The following RPTOR variants were observed in gnomAD, a reference collection of about 807,000 sequenced individuals.
RPTOR encodes the protein regulatory-associated protein of mTOR.
Under a neutral mutation model 169.9 loss-of-function variants are expected in RPTOR, and 21 were observed. That is an observed-to-expected ratio of 0.12 (90% CI 0.09 to 0.18). The LOEUF (loss-of-function observed/expected upper bound fraction) is 0.18. RPTOR is among the 10% of genes least tolerant of loss of function. RPTOR has a pLI of 1.00. For missense variants in RPTOR, 1,133 were observed against 1,855.9 expected, an observed-to-expected ratio of 0.61 and a Z score of 7.16; for synonymous variants, 732 against 753.2, an observed-to-expected ratio of 0.97 and a Z score of 0.46.
chr17:80,839,498 G>A (rs1431619494), intron 10 of RPTOR, among the ~76,000 whole-genome samples: 4 of 152,182 alleles, frequency 2.6e-5, no homozygotes, highest in East Asian at 1.9e-4. Context: ...CCAGCTCCCC[G>A]TCATGTGCTT....
chr17:80,876,659 C>A (rs1395817793), intron 13 of RPTOR, among the ~76,000 whole-genome samples: 1 of 128,130 alleles, frequency 7.8e-6, no homozygotes, highest in East Asian at 2.4e-4. Context: ...CCGTGCCACG[C>A]AGGGTGTGTG....
rs753714294 is a variant in RPTOR at position 80,949,534 on chromosome 17, G to C, written c.3357G>C (p.Leu1119=). 6.2e-7 allele frequency: 1 copy of C among 1,613,828 alleles called. No homozygotes were observed. The highest frequency in any genetic ancestry group is 8.5e-7 in the Non-Finnish European group (1 of 1,179,944). The change falls in exon 28 of 34, where the codon CTG becomes CTC. Residue 1119 remains leucine, a synonymous_variant. Transcript: ENST00000306801. ...VTAWQGLSDM[L]PTTRGAGMVV... ...CGTGGCAGGGGCTCTCGGACATGCT[G>C]CCAACGACGCGAGGTGGGTCCGCCC...
At position 80,730,397 on chromosome 17, in the gene RPTOR, G is replaced by A. The variant is rs895921031; in HGVS notation, c.508-163G>A. ...CTGAGATTCAGGTGTGAGCCATTGC[G>A]CCTGGCCAGTTTGCTGTTTTTTATA... On this transcript the variant is annotated intron_variant, in intron 4 of 33. Coordinates refer to ENST00000306801, the MANE Select transcript of RPTOR (RefSeq NM_020761.3). This position sits in a 1 kb window ranked among gnomAD's most constrained non-coding sequence, Gnocchi z 4.2. 6.6e-6 allele frequency among the ~76,000 whole-genome samples: 1 copy of A among 152,106 alleles called. No homozygotes were observed. Among genetic ancestry groups the A allele is most frequent in the Admixed American group, 6.5e-5 (1 of 15,278 alleles).
intron 21 of RPTOR, among the ~76,000 whole-genome samples, chr17:80,918,286 C>G (rs2068698256): frequency 6.6e-6 from 1 of 152,218 alleles, no homozygotes; most frequent in African/African-American, 2.4e-5. Flanking sequence ...GATCGCCCAT[C>G]CAGACAGAGA....
At chr17:80,732,434 A>G (rs925411338) in intron 5 of RPTOR, among the ~76,000 whole-genome samples, 2 of 152,202 alleles carry the variant, frequency 1.3e-5, no homozygotes, top group African/African-American at 4.8e-5. Flanking sequence ...GTGTGTTGCC[A>G]GGGATTAATC....
At chr17:80,864,837 C>A (rs1412202073) in intron 13 of RPTOR, among the ~76,000 whole-genome samples, 1 of 152,066 alleles carries the variant, frequency 6.6e-6, no homozygotes, top group Non-Finnish European at 1.5e-5. Flanking sequence ...AAGCCTTTTG[C>A]ACTCTTAATT....
chr17:80,591,372 C>T (rs1447152795), intron 1 of RPTOR, among the ~76,000 whole-genome samples: 1 of 145,786 alleles, frequency 6.9e-6, no homozygotes, highest in African/African-American at 2.6e-5. Context: ...TTCTTTCCTT[C>T]CTTTCTTTTT....
intron 7 of RPTOR, among the ~76,000 whole-genome samples, chr17:80,807,125 T>C (rs1690652625): frequency 6.6e-6 from 1 of 152,260 alleles, no homozygotes; most frequent in Non-Finnish European, 1.5e-5. Flanking sequence ...GCAGAATGCA[T>C]CTTTTTTATC....
At chr17:80,787,227 A>G (rs1226016570) in intron 6 of RPTOR, among the ~76,000 whole-genome samples, 1 of 152,146 alleles carries the variant, frequency 6.6e-6, no homozygotes, top group Non-Finnish European at 1.5e-5. Flanking sequence ...TGTGATTTTG[A>G]GGACTCTTTT....
Position 80,545,519 on chromosome 17 carries a change from C to A in RPTOR, c.-111C>A, listed in dbSNP as rs1257415070. On this transcript the variant is annotated 5_prime_UTR_variant, in exon 1 of 34. Transcript: ENST00000306801. ...CCGCACTCTTTATCCATTTGGTTTT[C>A]GATTTCCCGTTTTTGTTTCTTATTT... 2.4e-6 allele frequency: 2 copies of A among 849,440 alleles called. No homozygotes were observed. The highest frequency in any genetic ancestry group is 3.7e-6 in the Non-Finnish European group (2 of 538,650). The allele number at this position is 849,440 out of a possible 1,614,324, so 52.6% of individuals were successfully genotyped here.
chr17:80,949,437 C>T lies in RPTOR; in HGVS notation c.3266-6C>T. ...GGTTCACATCCTTTCCTCTCTCCCT[C>T]CCCAGACGATGGTGCCATCAGGGTC... On this transcript the variant is annotated splice_region_variant and splice_polypyrimidine_tract_variant and intron_variant, in intron 27 of 33. Coordinates refer to ENST00000306801, the MANE Select transcript of RPTOR (RefSeq NM_020761.3). 2.5e-6 allele frequency: 4 copies of T among 1,611,644 alleles called. No individual in the cohort carries two copies. In the African/African-American group the frequency reaches 4.0e-5, roughly 16 times the overall value.
In RPTOR at chr17:80,670,446, C is replaced by T. The variant is rs1242090939; in HGVS notation, c.348+26636C>T. On this transcript the variant is annotated intron_variant, in intron 3 of 33. Transcript: ENST00000306801. ...TTTTAAGCCTTTTAACCATCCGGAG[C>T]GTTGCTGTCAGCACTCGATTTTGAC... 4.6e-5 allele frequency among the ~76,000 whole-genome samples: 7 copies of T among 152,174 alleles called. No individual in the cohort carries two copies. The South Asian group carries it at 6.2e-4, about 13-fold the overall frequency.
intron 20 of RPTOR, among the ~76,000 whole-genome samples, chr17:80,902,957 C>A (rs539404784): frequency 6.6e-6 from 1 of 152,248 alleles, no homozygotes; most frequent in Non-Finnish European, 1.5e-5. Flanking sequence ...AGGCTCTTCC[C>A]GCAGAAACAG....
intron 7 of RPTOR, among the ~76,000 whole-genome samples, chr17:80,815,027 A>T (rs969110569): frequency 6.6e-6 from 1 of 152,252 alleles, no homozygotes; most frequent in Non-Finnish European, 1.5e-5. Flanking sequence ...CAAGTCTGAC[A>T]TGGCTGGAAA....
At chr17:80,692,543 A>C (rs550571661) in intron 3 of RPTOR, among the ~76,000 whole-genome samples, 243 of 151,648 alleles carry the variant, frequency 1.6e-3, no homozygotes, top group African/African-American at 5.6e-3. Context: ...CTGGTCTTGA[A>C]CTCCTGACCT....
At chr17:80,774,443 A>G in intron 6 of RPTOR, 1 of 753,380 alleles carries the variant, frequency 1.3e-6, no homozygotes, top group Non-Finnish European at 1.6e-6. Context: ...CGTAGTGCAT[A>G]AAACATCACT....
chr17:80,829,579 C>T (rs1201730904), intron 9 of RPTOR, among the ~76,000 whole-genome samples: 2 of 152,222 alleles, frequency 1.3e-5, no homozygotes, highest in African/African-American at 4.8e-5. Context: ...GCCATGAACC[C>T]CTAGGGACAG....
intron 1 of RPTOR, among the ~76,000 whole-genome samples, chr17:80,557,224 C>T (rs982131445): frequency 3.9e-5 from 6 of 152,190 alleles, no homozygotes; most frequent in Non-Finnish European, 5.9e-5. Flanking sequence ...AGGAGGTGTC[C>T]TCCAGTTTCT....
rs1452445269 is a variant in RPTOR, at chr17:80,707,905, G to A, written c.413G>A (p.Arg138His). 6.2e-7 allele frequency: 1 copy of A among 1,614,038 alleles called. No homozygotes were observed. Residue 138 changes from arginine to histidine, a missense_variant, in exon 4 of 34, where the codon CGT (arginine) becomes CAT (histidine). Arg to His is a conservative substitution (Grantham distance 29, BLOSUM62 0). Transcript: ENST00000306801. The surrounding 1 kb of genome is among the most constrained non-coding windows in gnomAD (Gnocchi z 5.0). ...DEVKKLCTSL[R>H]RNAKEERVLF... ...GTCAAGAAGCTCTGCACGTCCTTACGTCGCAACGCCAAGGAGGAGCGAGTC... is the reference window on the plus strand; with the variant it reads ...GTCAAGAAGCTCTGCACGTCCTTACATCGCAACGCCAAGGAGGAGCGAGTC...
Sources: gnomAD v4.1 joint callset for allele counts (sites outside exome capture counted in the v4.1 genomes callset) on GRCh38, gnomAD v4.1.1 for gene constraint, Gnocchi (gnomAD v3.1) non-coding constraint, MANE v1.5 for transcripts, NCBI Gene and HGNC (gene_info 2026-07-23, HGNC 2026-07-21) for gene names.